SLC4A10: variants seen among roughly 807,000 people sequenced by gnomAD.
The protein encoded by SLC4A10 is sodium-driven chloride bicarbonate exchanger.
A neutral mutation model predicts 137.7 loss-of-function variants in SLC4A10; 42 were observed. That is an observed-to-expected ratio of 0.30 (90% CI 0.24 to 0.39). The LOEUF (loss-of-function observed/expected upper bound fraction) is 0.39, where lower values mean the gene tolerates loss of function less well. Ranked by LOEUF, SLC4A10 falls within the 10% of genes least tolerant of loss-of-function variation. The probability of loss-of-function intolerance (pLI) is 1.00; values close to 1 mark genes in which losing one functional copy is unlikely to be tolerated. For synonymous variants in SLC4A10, 474 were observed against 464.1 expected, an observed-to-expected ratio of 1.02 and a Z score of -0.27; for missense variants, 925 against 1,355.0, an observed-to-expected ratio of 0.68 and a Z score of 4.98.
At chr2:161,756,179 A>T (rs2049622984) in intron 1 of SLC4A10, among the ~76,000 whole-genome samples, 1 of 152,180 alleles carries the variant, frequency 6.6e-6, no homozygotes, top group East Asian at 1.9e-4. Flanking sequence ...TAGACACCAA[A>T]GATAGTAATT....
chr2:161,889,815 C>A (rs186874005), intron 10 of SLC4A10, among the ~76,000 whole-genome samples: 2 of 151,814 alleles, frequency 1.3e-5, no homozygotes, highest in African/African-American at 2.4e-5. Context: ...TTAGTTATTT[C>A]TTCTCTTCTG....
chr2:161,978,221 C>G (rs1208691301), intron 26 of SLC4A10, among the ~76,000 whole-genome samples: 1 of 151,280 alleles, frequency 6.6e-6, no homozygotes, highest in Non-Finnish European at 1.5e-5. Context: ...CTTTTCTGTA[C>G]TAAAAATACA....
chr2:161,960,466 C>T (rs1455556367), intron 21 of SLC4A10, among the ~76,000 whole-genome samples: 1 of 151,076 alleles, frequency 6.6e-6, no homozygotes, highest in South Asian at 2.1e-4. Flanking sequence ...ACGGTCAGCT[C>T]ACACTTCTAA....
At chr2:161,852,509 A>C (rs539109500) in intron 4 of SLC4A10, among the ~76,000 whole-genome samples, 1 of 152,352 alleles carries the variant, frequency 6.6e-6, no homozygotes, top group Admixed American at 6.5e-5. Context: ...TTATTCACAA[A>C]GGAAAACCAT....
At chr2:161,829,096 C>CTCT (rs1221526784) in intron 3 of SLC4A10, among the ~76,000 whole-genome samples, 6 of 151,800 alleles carry the variant, frequency 4.0e-5, no homozygotes, top group African/African-American at 1.5e-4. Context: ...CTGACTTAAT[C>CTCT]CCACCTCTTC....
At chr2:161,713,514 C>T (rs905621663) in intron 1 of SLC4A10, among the ~76,000 whole-genome samples, 2 of 151,720 alleles carry the variant, frequency 1.3e-5, no homozygotes, top group Admixed American at 6.6e-5. Flanking sequence ...GATTTCAGAT[C>T]CTAAGAGACC....
intron 1 of SLC4A10, among the ~76,000 whole-genome samples, chr2:161,768,790 G>T (rs895055242): frequency 5.9e-5 from 9 of 151,982 alleles, no homozygotes; most frequent in Middle Eastern, 3.4e-3. Flanking sequence ...TAGTGATTAT[G>T]TGCTGTCTTT....
rs551912994 is a variant in SLC4A10, at chr2:161,771,068, T to G, written c.130+14T>G. ...AAGATTTAGAAGGTAAGACCATTTT[T>G]CTTGGGATAGCTATTGGTGTGCTTT... is the stretch of plus-strand genomic sequence containing the variant. On this transcript the variant is annotated intron_variant, in intron 2 of 26. Transcript: ENST00000446997. 79 of 1,563,038 alleles carry G rather than the reference T, an allele frequency of 5.1e-5. No homozygotes were observed. The East Asian group carries it at 1.8e-3, about 35-fold the overall frequency.
chr2:161,664,932 A>C (rs1357390177), intron 1 of SLC4A10, among the ~76,000 whole-genome samples: 2 of 151,852 alleles, frequency 1.3e-5, no homozygotes, highest in East Asian at 3.8e-4. Flanking sequence ...CAACATCAAA[A>C]AATTCTATGT....
chr2:161,649,803 T>A (rs1418250242), intron 1 of SLC4A10, among the ~76,000 whole-genome samples: 1 of 151,880 alleles, frequency 6.6e-6, no homozygotes, highest in African/African-American at 2.4e-5. Flanking sequence ...ATAGACATTT[T>A]TTTTTTTGTA....
At chr2:161,752,875 G>A (rs1458553990) in intron 1 of SLC4A10, among the ~76,000 whole-genome samples, 2 of 152,060 alleles carry the variant, frequency 1.3e-5, no homozygotes, top group Admixed American at 1.3e-4. Context: ...ACAATCTATT[G>A]TGTACTTGAA....
intron 2 of SLC4A10, among the ~76,000 whole-genome samples, chr2:161,781,414 C>T (rs2053000493): frequency 6.6e-6 from 1 of 151,900 alleles, no homozygotes; most frequent in East Asian, 1.9e-4. Flanking sequence ...TGTACATCGA[C>T]CAGAAAATGT....
At chr2:161,950,607 T>A in intron 18 of SLC4A10, 80 bp from the exon 19 acceptor site, 1 of 1,348,400 alleles carries the variant, frequency 7.4e-7, no homozygotes, top group South Asian at 1.4e-5. Context: ...AGGGCTTTCC[T>A]AGTAGCATCT....
At chr2:161,707,718 G>C (rs982883617) in intron 1 of SLC4A10, among the ~76,000 whole-genome samples, 15 of 151,486 alleles carry the variant, frequency 9.9e-5, no homozygotes, top group African/African-American at 3.6e-4. Flanking sequence ...AGACTTAACC[G>C]TGCAGTTTTA....
At chr2:161,913,817 A>G (rs1686449932) in intron 15 of SLC4A10, among the ~76,000 whole-genome samples, 1 of 152,134 alleles carries the variant, frequency 6.6e-6, no homozygotes, top group Non-Finnish European at 1.5e-5. Flanking sequence ...TCTTTATGAG[A>G]TTAATGTAAT....
At chr2:161,904,381 G>A (rs759872139) in intron 13 of SLC4A10, among the ~76,000 whole-genome samples, 2 of 152,118 alleles carry the variant, frequency 1.3e-5, no homozygotes, top group Non-Finnish European at 1.5e-5. Flanking sequence ...CTAGTTCTGA[G>A]TCTTACAAAA....
intron 1 of SLC4A10, among the ~76,000 whole-genome samples, chr2:161,634,779 C>T (rs1403389224): frequency 6.6e-6 from 1 of 151,904 alleles, no homozygotes; most frequent in African/African-American, 2.4e-5. Context: ...AGTCACTGTA[C>T]TGTACAATAG....
intron 1 of SLC4A10, among the ~76,000 whole-genome samples, chr2:161,678,952 G>A (rs562213251): frequency 1.3e-3 from 192 of 152,152 alleles, no homozygotes; most frequent in African/African-American, 4.5e-3. Flanking sequence ...TAGTAGACAT[G>A]TGAAGACTTT....
chr2:161,809,920 T>C (rs555386250), intron 3 of SLC4A10, among the ~76,000 whole-genome samples: 15 of 152,058 alleles, frequency 9.9e-5, no homozygotes, highest in Non-Finnish European at 1.8e-4. Context: ...AAAAACAACA[T>C]TGGTGTTTTG....
Sources: allele counts gnomAD v4.1 joint callset (sites outside exome capture counted in the v4.1 genomes callset), GRCh38; gene constraint gnomAD v4.1.1; transcripts MANE v1.5; gene names NCBI Gene and HGNC (gene_info 2026-07-23, HGNC 2026-07-21).